The following TXNRD2 variants were observed in gnomAD, a reference collection of about 807,000 sequenced individuals.
TXNRD2 encodes thioredoxin reductase 2, mitochondrial.
TXNRD2 carries 67 observed loss-of-function variants against 70.8 expected under a neutral mutation model. The ratio of observed to expected loss-of-function variants is 0.95; its 90% CI spans 0.78 to 1.16. The LOEUF is 1.16. TXNRD2 is among the 50% of genes most tolerant of loss of function. The pLI is 0.00. For missense variants in TXNRD2, 644 were observed against 719.9 expected, an observed-to-expected ratio of 0.89 and a Z score of 1.21; for synonymous variants, 301 against 295.8, an observed-to-expected ratio of 1.02 and a Z score of -0.18.
chr22:19,931,205 C>T, intron 1 of TXNRD2, 107 bp from the exon 2 acceptor site: 1 of 951,912 alleles, frequency 1.1e-6, no homozygotes, highest in Non-Finnish European at 1.7e-6. Context: ...TCAGGGGTGA[C>T]AAGACACCAC....
rs558552201 is a variant in TXNRD2, at chr22:19,882,605, C to T, written c.1086+720G>A. Among the ~76,000 whole-genome samples, 12 of 152,304 alleles carry T rather than the reference C, an allele frequency of 7.9e-5. 1 individual carries two copies. In the South Asian group the frequency reaches 1.9e-3, roughly 24 times the overall value. On this transcript the variant is annotated intron_variant, in intron 12 of 17. Coordinates refer to ENST00000400521, the MANE Select transcript of TXNRD2 (RefSeq NM_006440.5). ...GTGATTTGGTACCACAGCCCCAGGA[C>T]GCAGACACTGACAGGTCTCGCTACA...
intron 11 of TXNRD2, among the ~76,000 whole-genome samples, chr22:19,890,498 G>A (rs1939217487): frequency 2.0e-5 from 3 of 152,158 alleles, no homozygotes; most frequent in Non-Finnish European, 4.4e-5. Flanking sequence ...GAAGAGCATA[G>A]CCACAAACTT....
rs185375371 is a variant in TXNRD2 at position 19,898,862 on chromosome 22, A to G, written c.682+187T>C. On this transcript the variant is annotated intron_variant, in intron 9 of 17. Coordinates refer to ENST00000400521, the MANE Select transcript of TXNRD2 (RefSeq NM_006440.5). Reference sequence around the variant, plus strand: ...CTGTCCCAGCTCAGGAAGAGCCTCCAGGAATCCCTGGCCAGAGGTCAGCCT... The same window carrying G: ...CTGTCCCAGCTCAGGAAGAGCCTCCGGGAATCCCTGGCCAGAGGTCAGCCT... Among the ~76,000 whole-genome samples, 161 of 152,328 alleles carry G rather than the reference A, an allele frequency of 1.1e-3. No homozygotes were observed. The Middle Eastern group carries it at 0.027, about 26-fold the overall frequency.
chr22:19,876,115 C>T (rs58210408), intron 17 of TXNRD2: 34,085 of 152,414 alleles, frequency 0.22, 7,012 homozygotes, highest in African/African-American at 0.55. Flanking sequence ...CGGGGGGAGG[C>T]GGCCACGGTG....
intron 17 of TXNRD2, 164 bp downstream of exon 17, chr22:19,876,876 C>T (rs543833599): frequency 1.8e-4 from 86 of 478,634 alleles, no homozygotes; most frequent in Non-Finnish European, 2.8e-4. Context: ...GGGAACTTCC[C>T]CTTCTGCCTG....
intron 1 of TXNRD2, among the ~76,000 whole-genome samples, chr22:19,941,027 C>T (rs1365916939): frequency 6.6e-6 from 1 of 152,186 alleles, no homozygotes; most frequent in African/African-American, 2.4e-5. Flanking sequence ...GGGAGAGCTG[C>T]TCGCTGTCAC....
intron 1 of TXNRD2, among the ~76,000 whole-genome samples, chr22:19,931,845 C>T (rs1941372199): frequency 6.6e-6 from 1 of 152,024 alleles, no homozygotes; most frequent in African/African-American, 2.4e-5. Context: ...GTGAAGGCTG[C>T]CCTCCGTCAC....
intron 11 of TXNRD2, among the ~76,000 whole-genome samples, chr22:19,890,655 C>A (rs1939225079): frequency 6.6e-6 from 1 of 152,194 alleles, no homozygotes; most frequent in African/African-American, 2.4e-5. Context: ...CCAGGAGGAG[C>A]CGCCCCTTCC....
chr22:19,883,243 G>T (rs1938862962), intron 12 of TXNRD2, 82 bp downstream of exon 12: 9 of 1,550,314 alleles, frequency 5.8e-6, no homozygotes, highest in Non-Finnish European at 5.3e-6. Flanking sequence ...TCTCCTACAG[G>T]ACGGCAGCAG....
At chr22:19,905,911 G>A (rs1939989446) in intron 8 of TXNRD2, among the ~76,000 whole-genome samples, 1 of 116,590 alleles carries the variant, frequency 8.6e-6, no homozygotes. Flanking sequence ...AAAATACAGG[G>A]CTTAAAAAAA....
At chr22:19,888,214 C>T (rs959655721) in intron 11 of TXNRD2, among the ~76,000 whole-genome samples, 1 of 152,194 alleles carries the variant, frequency 6.6e-6, no homozygotes, top group East Asian at 1.9e-4. Context: ...GTGCTAGGAA[C>T]AGCCGTGCAG....
intron 8 of TXNRD2, among the ~76,000 whole-genome samples, chr22:19,903,607 T>A (rs554163276): frequency 6.6e-6 from 1 of 152,154 alleles, no homozygotes; most frequent in South Asian, 2.1e-4. Context: ...GCAGGAAGAT[T>A]GTGCGGCTGT....
At chr22:19,923,509 G>A (rs1940994857) in intron 2 of TXNRD2, among the ~76,000 whole-genome samples, 1 of 152,178 alleles carries the variant, frequency 6.6e-6, no homozygotes, top group African/African-American at 2.4e-5. Context: ...CAAGCAGACT[G>A]GGCGTGGTAA....
intron 1 of TXNRD2, chr22:19,933,593 G>T: frequency 1.9e-6 from 2 of 1,055,240 alleles, no homozygotes; most frequent in Non-Finnish European, 1.3e-6. Flanking sequence ...CTCGCCCCCT[G>T]TGCACACCCA....
intron 13 of TXNRD2, 76 bp from the exon 14 acceptor site, chr22:19,880,347 A>C: frequency 6.9e-7 from 1 of 1,451,536 alleles, no homozygotes; most frequent in Non-Finnish European, 9.5e-7. Context: ...TGACACAAAG[A>C]GCAGCGATCA....
chr22:19,886,365 G>A (rs1569075110), intron 11 of TXNRD2, among the ~76,000 whole-genome samples: 1 of 152,274 alleles, frequency 6.6e-6, no homozygotes, highest in Non-Finnish European at 1.5e-5. Flanking sequence ...AGTGGCCAGA[G>A]AAGGGCCAGA....
chr22:19,922,680 G>A (rs760451125), intron 2 of TXNRD2, among the ~76,000 whole-genome samples: 1 of 151,976 alleles, frequency 6.6e-6, no homozygotes, highest in Non-Finnish European at 1.5e-5. Flanking sequence ...TTTGGTGTGG[G>A]AAGGATCTTT....
rs770699163 is a variant in TXNRD2, at chr22:19,883,425, T to C, written c.986A>G (p.Lys329Arg). Reference sequence around the variant, plus strand: ...GTCGGGGCTAGTATCTACCCCAGCCTTCTCCAAATTCAGACTTCTGGTGTC... The same window carrying C: ...GTCGGGGCTAGTATCTACCCCAGCCCTCTCCAAATTCAGACTTCTGGTGTC... ...VPDTRSLNLE[K>R]AGVDTSPDTQ... The change falls in exon 12 of 18, where the codon AAG (lysine) becomes AGG (arginine). Residue 329 changes from lysine to arginine, a missense_variant. Around this residue, in one of 3 missense-constraint regions of TXNRD2, gnomAD observed 566 missense variants for 645.0 expected, o/e 0.88. Coordinates refer to ENST00000400521, the MANE Select transcript of TXNRD2 (RefSeq NM_006440.5). The C allele has an allele frequency of 3.1e-6, 5 of 1,614,044 alleles. No homozygotes were observed. In the South Asian group the frequency reaches 5.5e-5, roughly 18 times the overall value.
At chr22:19,888,334 C>A (rs1404390629) in intron 11 of TXNRD2, among the ~76,000 whole-genome samples, 5 of 152,180 alleles carry the variant, frequency 3.3e-5, no homozygotes, top group Non-Finnish European at 7.3e-5. Context: ...AAGGAGGGAC[C>A]AGAGAAGGCT....
Sources: allele counts gnomAD v4.1 joint callset (sites outside exome capture counted in the v4.1 genomes callset), GRCh38; gene constraint gnomAD v4.1.1; regional missense constraint gnomAD v4.1.1; transcripts MANE v1.5; gene names NCBI Gene and HGNC (gene_info 2026-07-23, HGNC 2026-07-21).